ADGRL3: variants seen among roughly 807,000 people sequenced by gnomAD.
ADGRL3 encodes adhesion G protein-coupled receptor L3, also known as calcium-independent alpha-latrotoxin receptor 3.
In ADGRL3, 62 loss-of-function variants were observed where a neutral mutation model predicts 153.5. That is an observed-to-expected ratio of 0.40 (90% CI 0.33 to 0.50). The LOEUF (loss-of-function observed/expected upper bound fraction) is 0.50. Ranked by LOEUF, ADGRL3 falls within the 20% of genes least tolerant of loss-of-function variation. The pLI is 0.47. For synonymous variants in ADGRL3, 710 were observed against 672.5 expected (o/e 1.06, Z -0.86); for missense variants, 1,641 against 1,859.4 (o/e 0.88, Z 2.16).
intron 8 of ADGRL3, among the ~76,000 whole-genome samples, chr4:61,734,843 C>G (rs1470680625): frequency 6.6e-6 from 1 of 152,174 alleles, no homozygotes; most frequent in Non-Finnish European, 1.5e-5. Context: ...GAAATTGACT[C>G]TCCTTTGTTT....
chr4:61,813,301 G>C (rs1452460819), intron 8 of ADGRL3, among the ~76,000 whole-genome samples: 1 of 152,146 alleles, frequency 6.6e-6, no homozygotes, highest in Non-Finnish European at 1.5e-5. Context: ...GGCTGAGGCA[G>C]GAGAACAGCT....
chr4:61,954,638 T>C (rs1350693006), intron 17 of ADGRL3, among the ~76,000 whole-genome samples: 1 of 151,990 alleles, frequency 6.6e-6, no homozygotes, highest in Non-Finnish European at 1.5e-5. Context: ...GCTCACCTGC[T>C]CTAGCCACTG....
At chr4:61,722,387 C>A (rs1355174023) in intron 6 of ADGRL3, among the ~76,000 whole-genome samples, 1 of 152,040 alleles carries the variant, frequency 6.6e-6, no homozygotes, top group Non-Finnish European at 1.5e-5. Flanking sequence ...ACAAGACATT[C>A]CATGAGAAAA....
chr4:61,997,254 A>T (rs1388105234), intron 20 of ADGRL3, among the ~76,000 whole-genome samples: 1 of 152,044 alleles, frequency 6.6e-6, no homozygotes, highest in Non-Finnish European at 1.5e-5. Flanking sequence ...CAGAAAAAAA[A>T]AAAAAAAGGA....
In ADGRL3 at chr4:61,368,206, T is replaced by C. The variant is rs369980931; in HGVS notation, c.-239-14918T>C. On this transcript the variant is annotated intron_variant, in intron 1 of 26. Transcript: ENST00000683033. ...GTAAGTTGCCTGTTCACTCTGATGGTAGTTTCTTTTGCTGTGCAGAAGCTC... is the reference window on the plus strand; with the variant it reads ...GTAAGTTGCCTGTTCACTCTGATGGCAGTTTCTTTTGCTGTGCAGAAGCTC... Among the ~76,000 whole-genome samples the C allele has an allele frequency of 9.3e-3, 1,412 of 152,220 alleles. 58 individuals carry two copies. In the East Asian group the frequency reaches 0.13, roughly 14 times the overall value.
chr4:61,681,940 G>A (rs963038470), intron 6 of ADGRL3, among the ~76,000 whole-genome samples: 1 of 151,748 alleles, frequency 6.6e-6, no homozygotes, highest in African/African-American at 2.4e-5. Flanking sequence ...CATATATACA[G>A]TAGACATTCA....
At chr4:61,755,701 A>G (rs944660643) in intron 8 of ADGRL3, among the ~76,000 whole-genome samples, 1 of 152,140 alleles carries the variant, frequency 6.6e-6, no homozygotes, top group Non-Finnish European at 1.5e-5. Flanking sequence ...GCCCGTGCCT[A>G]TATCTTGAGT....
intron 17 of ADGRL3, among the ~76,000 whole-genome samples, chr4:61,972,792 A>C (rs2099033779): frequency 6.6e-6 from 1 of 152,164 alleles, no homozygotes. Context: ...ACCCATGAGC[A>C]TGGAATGTTC....
chr4:61,309,883 C>T (rs542519579), intron 1 of ADGRL3, among the ~76,000 whole-genome samples: 3 of 151,942 alleles, frequency 2.0e-5, no homozygotes, highest in Non-Finnish European at 4.4e-5. Flanking sequence ...AAAGAAGAAA[C>T]TATGCTAATT....
intron 25 of ADGRL3, among the ~76,000 whole-genome samples, chr4:62,054,014 A>G (rs1196459100): frequency 1.3e-5 from 2 of 151,770 alleles, no homozygotes; most frequent in South Asian, 2.1e-4. Context: ...AAATATAGCT[A>G]TAGGATTGAC....
intron 25 of ADGRL3, among the ~76,000 whole-genome samples, chr4:62,046,454 A>G (rs1039408447): frequency 6.6e-6 from 1 of 151,930 alleles, no homozygotes; most frequent in African/African-American, 2.4e-5. Flanking sequence ...TCAACTTTGA[A>G]TATAGTGATT....
intron 8 of ADGRL3, among the ~76,000 whole-genome samples, chr4:61,756,829 AGGGTTGT>A (rs1451656188): frequency 6.6e-6 from 1 of 152,140 alleles, no homozygotes; most frequent in Non-Finnish European, 1.5e-5. Context: ...TTTAGCATGA[AGGGTTGT>A]TGAATTTTGT....
At chr4:61,369,360 G>A (rs2096473953) in intron 1 of ADGRL3, among the ~76,000 whole-genome samples, 2 of 152,316 alleles carry the variant, frequency 1.3e-5, no homozygotes, top group African/African-American at 2.4e-5. Context: ...GAGATTGGCT[G>A]TGGGTTTGTC....
chr4:61,887,475 A>T (rs1291751552), intron 9 of ADGRL3, among the ~76,000 whole-genome samples: 1 of 152,154 alleles, frequency 6.6e-6, no homozygotes, highest in African/African-American at 2.4e-5. Flanking sequence ...TCTCATTTTT[A>T]AAACTAGGAA....
At chr4:61,893,502 C>T (rs2098604424) in intron 10 of ADGRL3, among the ~76,000 whole-genome samples, 1 of 152,048 alleles carries the variant, frequency 6.6e-6, no homozygotes, top group East Asian at 1.9e-4. Context: ...AGAAGATTAT[C>T]ATGGAAATGA....
chr4:61,236,861 A>G (rs1015603907), intron 1 of ADGRL3, among the ~76,000 whole-genome samples: 2 of 152,148 alleles, frequency 1.3e-5, no homozygotes, highest in African/African-American at 2.4e-5. Context: ...GCTTGATGAA[A>G]TCATTATTGT....
At chr4:61,328,149 A>G (rs936675711) in intron 1 of ADGRL3, among the ~76,000 whole-genome samples, 1 of 152,148 alleles carries the variant, frequency 6.6e-6, no homozygotes, top group Admixed American at 6.6e-5. Context: ...AAATGAGGCA[A>G]TGACTCCAGG....
intron 8 of ADGRL3, among the ~76,000 whole-genome samples, chr4:61,784,658 A>G (rs1200260520): frequency 6.6e-6 from 1 of 152,114 alleles, no homozygotes; most frequent in Non-Finnish European, 1.5e-5. Context: ...TGCTATTCCC[A>G]TTTGGTCAGA....
At chr4:61,809,304 G>C (rs931167291) in intron 8 of ADGRL3, among the ~76,000 whole-genome samples, 1 of 152,002 alleles carries the variant, frequency 6.6e-6, no homozygotes, top group Non-Finnish European at 1.5e-5. Context: ...ATGGTTTATT[G>C]ATATCTTCTT....
Sources: gnomAD v4.1 joint callset for allele counts (sites outside exome capture counted in the v4.1 genomes callset) on GRCh38, gnomAD v4.1.1 for gene constraint, MANE v1.5 for transcripts, NCBI Gene and HGNC (gene_info 2026-07-23, HGNC 2026-07-21) for gene names.